MAIP1: variants seen among roughly 807,000 people sequenced by gnomAD.
MAIP1 encodes the protein matrix AAA peptidase interacting protein 1, also known as m-AAA protease-interacting protein 1, mitochondrial.
A neutral mutation model predicts 31.2 loss-of-function variants in MAIP1; 28 were observed. That is an observed-to-expected ratio of 0.90 (90% CI 0.67 to 1.23). The LOEUF (loss-of-function observed/expected upper bound fraction) is 1.23, where lower values mean the gene tolerates loss of function less well. Among genes scored for constraint, MAIP1 ranks in the 50% most tolerant of loss-of-function variants. The probability of loss-of-function intolerance (pLI) is 0.00; values close to 1 mark genes in which losing one functional copy is unlikely to be tolerated. For missense variants in MAIP1, 339 were observed against 356.0 expected, an observed-to-expected ratio of 0.95 and a Z score of 0.38; for synonymous variants, 142 against 142.3, an observed-to-expected ratio of 1.00 and a Z score of 0.02.
intron 4 of MAIP1, among the ~76,000 whole-genome samples, chr2:199,963,084 G>A (rs2077644966): frequency 6.7e-6 from 1 of 150,074 alleles, no homozygotes; most frequent in South Asian, 2.1e-4. Context: ...TGCTTTATTT[G>A]TAATTACCCA....
chr2:199,962,864 G>C (rs1041180962), intron 4 of MAIP1, among the ~76,000 whole-genome samples: 1 of 152,036 alleles, frequency 6.6e-6, no homozygotes, highest in Admixed American at 6.6e-5. Flanking sequence ...ATAAAATCTA[G>C]AACAGTGAAC....
At position 199,959,889 on chromosome 2, in the gene MAIP1, A is replaced by G; in HGVS notation, c.649+9A>G. 6.2e-7 allele frequency: 1 copy of G among 1,609,176 alleles called. No individual in the cohort carries two copies. The highest frequency in any genetic ancestry group is 1.1e-5 in the South Asian group (1 of 90,492). ...TTACTATGATGAGAAAGGTAATACC[A>G]GAGCATAGTCAACTTGAAATGATCC... On this transcript the variant is annotated intron_variant, in intron 3 of 4. Transcript: ENST00000392290.
At chr2:199,957,222 A>C (rs1489130766) in intron 1 of MAIP1, among the ~76,000 whole-genome samples, 1 of 152,110 alleles carries the variant, frequency 6.6e-6, no homozygotes, top group African/African-American at 2.4e-5. Flanking sequence ...AATATGGTGA[A>C]ACAGTGTCTC....
At position 199,955,696 on chromosome 2, in the gene MAIP1, C is replaced by A; in HGVS notation, c.-103C>A. 2 of 1,222,666 alleles carry A rather than the reference C, an allele frequency of 1.6e-6. No homozygotes were observed. The highest frequency in any genetic ancestry group is 2.3e-6 in the Non-Finnish European group (2 of 887,856). The allele number at this position is 1,222,666 out of a possible 1,614,324, so 75.7% of individuals were successfully genotyped here. On this transcript the variant is annotated 5_prime_UTR_variant, in exon 1 of 5. Transcript: ENST00000392290. ...CTCACCAGAGGCTGCAGCAACAGGT[C>A]CACTTTGCTCTCCAGTCTCTTTCTC...
chr2:199,963,843 G>A lies in MAIP1; in HGVS notation c.*32G>A. 1 of 1,438,562 alleles carries A rather than the reference G, an allele frequency of 7.0e-7. No homozygotes were observed. 89.1% of individuals were successfully genotyped at this position (1,438,562 alleles called of 1,614,324 possible). ...TGGAAAAATCAGCTTATGGACTTTA[G>A]CAGTTGCTGTGAAAAACTAAGGAAG... On this transcript the variant is annotated 3_prime_UTR_variant, in exon 5 of 5. Transcript: ENST00000392290.
At chr2:199,959,361 GC>G in intron 2 of MAIP1, 22 bp downstream of exon 2, 1 of 1,345,198 alleles carries the variant, frequency 7.4e-7, no homozygotes, top group Non-Finnish European at 1.1e-6. Context: ...TTTACATTTT[GC>G]TTTAAAAATA....
In MAIP1 at chr2:199,956,257, AT is replaced by A; in HGVS notation, c.450+12del. 2 of 1,596,848 alleles carry A rather than the reference AT, an allele frequency of 1.3e-6. No individual in the cohort carries two copies. Among genetic ancestry groups the A allele is most frequent in the Non-Finnish European group, 1.7e-6 (2 of 1,169,018 alleles). On this transcript the variant is annotated intron_variant, in intron 1 of 4. Transcript: ENST00000392290. Reference sequence around the variant, plus strand: ...CCGAGGGAGCGAAGCAGGTTTGTTTATTTCCCTGATTGACCTATCCGTCTCT... The same window carrying A: ...CCGAGGGAGCGAAGCAGGTTTGTTTATTCCCTGATTGACCTATCCGTCTCT...
At chr2:199,956,570 A>AAGCTATATGATG (rs1242532655) in intron 1 of MAIP1, among the ~76,000 whole-genome samples, 29 of 152,222 alleles carry the variant, frequency 1.9e-4, no homozygotes, top group African/African-American at 6.5e-4. Flanking sequence ...CAGAAAGAAA[A>AAGCTATATGATG]AGCTATATGG....
intron 3 of MAIP1, among the ~76,000 whole-genome samples, chr2:199,960,973 A>T (rs1311641481): frequency 1.3e-5 from 2 of 152,224 alleles, no homozygotes. Flanking sequence ...GCATCTCAGC[A>T]CCATGGTCAC....
chr2:199,955,978 C>T lies in MAIP1; in HGVS notation c.180C>T (p.Ala60=), dbSNP rs746168270. ...CGTTATTTCCACGAAGCGCTAGGGCCTTGGCAGCCTCGGCGCTACCTGCCC... is the reference window on the plus strand; with the variant it reads ...CGTTATTTCCACGAAGCGCTAGGGCTTTGGCAGCCTCGGCGCTACCTGCCC... ...GAALFPRSAR[A]LAASALPAQG... Residue 60 remains alanine, a synonymous_variant, in exon 1 of 5, where the codon GCC becomes GCT. Coordinates refer to ENST00000392290, the MANE Select transcript of MAIP1 (RefSeq NM_001394955.1). The T allele has an allele frequency of 5.0e-6, 8 of 1,612,608 alleles. No individual in the cohort carries two copies. In the African/African-American group the frequency reaches 6.7e-5, roughly 13 times the overall value.
rs892940668 is a variant in MAIP1, at chr2:199,955,688, C to G, written c.-111C>G. 5.0e-6 allele frequency: 6 copies of G among 1,192,252 alleles called. No individual in the cohort carries two copies. Among genetic ancestry groups the G allele is most frequent in the Non-Finnish European group, 6.9e-6 (6 of 863,804 alleles). The allele number at this position is 1,192,252 out of a possible 1,614,324, so 73.9% of individuals were successfully genotyped here. A position where few individuals can be genotyped will look rare whatever the true frequency, so the allele number is the denominator to read the frequency against. On this transcript the variant is annotated 5_prime_UTR_variant, in exon 1 of 5. Coordinates refer to ENST00000392290, the MANE Select transcript of MAIP1 (RefSeq NM_001394955.1). ...GGGGCCGACTCACCAGAGGCTGCAG[C>G]AACAGGTCCACTTTGCTCTCCAGTC...
At position 199,959,292 on chromosome 2, in the gene MAIP1, C is replaced by T; in HGVS notation, c.475C>T (p.Leu159=). The T allele has an allele frequency of 6.3e-7, 1 of 1,594,356 alleles. No homozygotes were observed. The highest frequency in any genetic ancestry group is 8.6e-7 in the Non-Finnish European group (1 of 1,162,392). The change falls in exon 2 of 5, where the codon CTG becomes TTG. Residue 159 remains leucine (L), a synonymous_variant. Transcript: ENST00000392290. ...KQAFAHVSKL[L]SQCKFDLLEE... ...GGCTTTTGCTCATGTATCCAAGTTGCTGTCACAGTGTAAATTTGATCTGTT... is the reference window on the plus strand; with the variant it reads ...GGCTTTTGCTCATGTATCCAAGTTGTTGTCACAGTGTAAATTTGATCTGTT...
rs1182709519 is a variant in MAIP1 at position 199,964,008 on chromosome 2, A to G, written c.*197A>G. ...AGATTGTTATCACCTTCTTTAAAAGAAGTCAAAATTTAAAAAATACAATAG... is the reference window on the plus strand; with the variant it reads ...AGATTGTTATCACCTTCTTTAAAAGGAGTCAAAATTTAAAAAATACAATAG... On this transcript the variant is annotated 3_prime_UTR_variant, in exon 5 of 5. Coordinates refer to ENST00000392290, the MANE Select transcript of MAIP1 (RefSeq NM_001394955.1). 1 of 373,704 alleles carries G rather than the reference A, an allele frequency of 2.7e-6. No individual in the cohort carries two copies. The highest frequency in any genetic ancestry group is 4.8e-6 in the Non-Finnish European group (1 of 209,746). The allele number at this position is 373,704 out of a possible 1,614,324, so 23.1% of individuals were successfully genotyped here. A position where few individuals can be genotyped will look rare whatever the true frequency, so the allele number is the denominator to read the frequency against.
At position 199,963,996 on chromosome 2, in the gene MAIP1, C is replaced by T. The variant is rs2077649720; in HGVS notation, c.*185C>T. The T allele has an allele frequency of 2.5e-6, 1 of 395,098 alleles. No homozygotes were observed. Among genetic ancestry groups the T allele is most frequent in the Admixed American group, 4.3e-5 (1 of 23,266 alleles). The allele number at this position is 395,098 out of a possible 1,614,324, so 24.5% of individuals were successfully genotyped here. A position where few individuals can be genotyped will look rare whatever the true frequency, so the allele number is the denominator to read the frequency against. On this transcript the variant is annotated 3_prime_UTR_variant, in exon 5 of 5. Transcript: ENST00000392290. ...AGCATTTTCCACAGATTGTTATCAC[C>T]TTCTTTAAAAGAAGTCAAAATTTAA... is the stretch of plus-strand genomic sequence containing the variant.
chr2:199,955,877 C>A lies in MAIP1; in HGVS notation c.79C>A (p.Pro27Thr), dbSNP rs781313834. Residue 27 changes from proline to threonine, a missense_variant, in exon 1 of 5, where the codon CCT becomes ACT. Coordinates refer to ENST00000392290, the MANE Select transcript of MAIP1 (RefSeq NM_001394955.1). Reference protein sequence around the residue: ...LPCGAVRLRTPAVAEVRLPSA... With the variant: ...LPCGAVRLRTTAVAEVRLPSA... The stretch of plus-strand genomic sequence containing the variant: ...CTGCGGGGCCGTCCGACTCCGGACT[C>A]CTGCTGTGGCCGAGGTGAGGCTGCC... 1 of 1,556,544 alleles carries A rather than the reference C, an allele frequency of 6.4e-7. No homozygotes were observed. The highest frequency in any genetic ancestry group is 8.7e-7 in the Non-Finnish European group (1 of 1,151,458).
At chr2:199,959,442 G>A in intron 2 of MAIP1, 103 bp downstream of exon 2, 1 of 739,402 alleles carries the variant, frequency 1.4e-6, no homozygotes, top group Non-Finnish European at 2.4e-6. Flanking sequence ...GTGTGTGCCA[G>A]CATCCAAAGT....
chr2:199,961,405 A>T lies in MAIP1; in HGVS notation c.650-376A>T, dbSNP rs530305222. On this transcript the variant is annotated intron_variant, in intron 3 of 4. Coordinates refer to ENST00000392290, the MANE Select transcript of MAIP1 (RefSeq NM_001394955.1). ...CTTGAGCCTGGGAGGCGGAAGTTGC[A>T]GTGAGCCGATACTGCGCCACTGCAC... Among the ~76,000 whole-genome samples the T allele has an allele frequency of 1.2e-3, 181 of 152,256 alleles. 2 individuals carry two copies. The highest frequency in any genetic ancestry group is 2.8e-4 in the Non-Finnish European group (19 of 68,012).
intron 4 of MAIP1, among the ~76,000 whole-genome samples, chr2:199,963,248 G>A (rs1159458855): frequency 1.3e-5 from 2 of 152,038 alleles, no homozygotes; most frequent in Non-Finnish European, 2.9e-5. Flanking sequence ...TTATTTTCAA[G>A]ATTGATTTAA....
intron 1 of MAIP1, among the ~76,000 whole-genome samples, chr2:199,958,799 CCTT>C (rs1339924684): frequency 6.6e-6 from 1 of 152,158 alleles, no homozygotes; most frequent in Non-Finnish European, 1.5e-5. Context: ...AAACTAATGA[CCTT>C]CTCTCCCACT....
Sources: gnomAD v4.1 joint callset for allele counts (sites outside exome capture counted in the v4.1 genomes callset) on GRCh38, gnomAD v4.1.1 for gene constraint, MANE v1.5 for transcripts, NCBI Gene and HGNC (gene_info 2026-07-23, HGNC 2026-07-21) for gene names.